The following ADGRE5 variants were observed in gnomAD, a reference collection of about 807,000 sequenced individuals.
The protein encoded by ADGRE5 is adhesion G protein-coupled receptor E5, also known as CD97 molecule.
Under a neutral mutation model 100.3 loss-of-function variants are expected in ADGRE5, and 72 were observed. The observed-to-expected ratio is 0.72, with a 90% CI of 0.59 to 0.87. The LOEUF is 0.87. Among genes scored for constraint, ADGRE5 ranks in the 40% least tolerant of loss-of-function variants. The pLI is 0.00. For missense variants in ADGRE5, 959 were observed against 1,094.7 expected (o/e 0.88, Z 1.75); for synonymous variants, 439 against 447.8 (o/e 0.98, Z 0.25).
chr19:14,385,263 C>T (rs890197352), intron 1 of ADGRE5, among the ~76,000 whole-genome samples: 4 of 152,000 alleles, frequency 2.6e-5, no homozygotes, highest in Non-Finnish European at 2.9e-5. Flanking sequence ...CCATCTGCCT[C>T]GGCCTCCCAA....
intron 4 of ADGRE5, among the ~76,000 whole-genome samples, chr19:14,395,888 A>G (rs1056259031): frequency 6.6e-6 from 1 of 152,156 alleles, no homozygotes; most frequent in Non-Finnish European, 1.5e-5. Context: ...GCTAGTGTGG[A>G]TGGGAGAGCA....
intron 2 of ADGRE5, 29 bp from the exon 3 acceptor site, chr19:14,388,673 C>T (rs1290845139): frequency 6.2e-7 from 1 of 1,611,466 alleles, no homozygotes; most frequent in South Asian, 1.1e-5. Flanking sequence ...TTACCCCTCA[C>T]CTTCTGACCG....
At chr19:14,404,630 T>G in intron 13 of ADGRE5, 68 bp downstream of exon 13, 1 of 1,472,770 alleles carries the variant, frequency 6.8e-7, no homozygotes, top group Non-Finnish European at 9.3e-7. Context: ...GACAGGCAGC[T>G]AGTTCTCCAT....
At chr19:14,402,340 CAGA>C (rs1355745763) in intron 11 of ADGRE5, among the ~76,000 whole-genome samples, 5 of 151,380 alleles carry the variant, frequency 3.3e-5, no homozygotes, top group African/African-American at 1.2e-4. Flanking sequence ...GAGGCTGAGA[CAGA>C]AGAATTGCTT....
chr19:14,408,528 A>G lies in ADGRE5; in HGVS notation c.*407A>G, dbSNP rs1359732960. 1.0e-4 allele frequency: 46 copies of G among 446,424 alleles called. No homozygotes were observed. The highest frequency in any genetic ancestry group is 5.9e-4 in the Middle Eastern group (1 of 1,696). The allele number at this position is 446,424 out of a possible 1,614,324, so 27.7% of individuals were successfully genotyped here. On this transcript the variant is annotated 3_prime_UTR_variant, in exon 20 of 20. Coordinates refer to ENST00000242786, the MANE Select transcript of ADGRE5 (RefSeq NM_078481.4). ...GCGCTGGGGCTCAGCTTCCCTCTTAAGCTAAGACTGATGTCAGAGGCCCCA... is the reference window on the plus strand; with the variant it reads ...GCGCTGGGGCTCAGCTTCCCTCTTAGGCTAAGACTGATGTCAGAGGCCCCA...
intron 5 of ADGRE5, 34 bp downstream of exon 5, chr19:14,396,507 C>G (rs200058302): frequency 1.3e-6 from 2 of 1,560,366 alleles, no homozygotes; most frequent in Non-Finnish European, 1.7e-6. Context: ...TGAGGCTGGA[C>G]GGGAGCTGGG....
chr19:14,382,640 A>C (rs1975198606), intron 1 of ADGRE5, among the ~76,000 whole-genome samples: 1 of 151,948 alleles, frequency 6.6e-6, no homozygotes, highest in Non-Finnish European at 1.5e-5. Context: ...AGGCAGGTGG[A>C]TCTCTTGAGC....
intron 9 of ADGRE5, among the ~76,000 whole-genome samples, chr19:14,399,826 C>T (rs114778334): frequency 0.017 from 2,610 of 150,974 alleles, 79 homozygotes; most frequent in African/African-American, 0.06. Flanking sequence ...TTAACTTTTC[C>T]AGTAGCTAGA....
intron 6 of ADGRE5, chr19:14,397,432 C>T: frequency 1.5e-6 from 1 of 647,926 alleles, no homozygotes; most frequent in South Asian, 1.9e-5. Context: ...GGACCCCAGG[C>T]AACAGCTGAT....
intron 18 of ADGRE5, among the ~76,000 whole-genome samples, chr19:14,407,674 C>T (rs1022036886): frequency 2.0e-5 from 3 of 151,002 alleles, no homozygotes; most frequent in Non-Finnish European, 4.4e-5. Flanking sequence ...GCTGAATACC[C>T]ATCTCAGCTT....
chr19:14,384,118 G>T (rs1298845139), intron 1 of ADGRE5, among the ~76,000 whole-genome samples: 1 of 152,250 alleles, frequency 6.6e-6, no homozygotes, highest in East Asian at 1.9e-4. Flanking sequence ...GGTTCTGGCC[G>T]AGGGAGGAAC....
intron 5 of ADGRE5, among the ~76,000 whole-genome samples, chr19:14,396,747 C>T (rs995258851): frequency 6.6e-6 from 1 of 152,218 alleles, no homozygotes; most frequent in African/African-American, 2.4e-5. Context: ...GTGTCACTTC[C>T]AGTTCTAAGA....
rs1441836741 is a variant in ADGRE5, at chr19:14,406,274, C to A, written c.1822-57C>A. 3 of 1,343,542 alleles carry A rather than the reference C, an allele frequency of 2.2e-6. No homozygotes were observed. The highest frequency in any genetic ancestry group is 3.0e-6 in the Non-Finnish European group (3 of 987,622). 83.2% of individuals were successfully genotyped at this position (1,343,542 alleles called of 1,614,324 possible). ...GGACCTGGCAGGCGACTGGCTCTGG[C>A]GCCGCATGCCCCTCCCCGCGCTGAC... On this transcript the variant is annotated intron_variant, in intron 14 of 19. Transcript: ENST00000242786. The surrounding 1 kb of genome is among the most constrained non-coding windows in gnomAD (Gnocchi z 6.0).
At chr19:14,407,832 T>G in intron 18 of ADGRE5, 76 bp from the exon 19 acceptor site, 2 of 1,245,524 alleles carry the variant, frequency 1.6e-6, no homozygotes, top group Non-Finnish European at 2.3e-6. Flanking sequence ...AAGGTGGGGC[T>G]GAGGGCAGAG....
chr19:14,407,895 T>C lies in ADGRE5; in HGVS notation c.2377-13T>C. 6.2e-7 allele frequency: 1 copy of C among 1,613,014 alleles called. No homozygotes were observed. Among genetic ancestry groups the C allele is most frequent in the Non-Finnish European group, 8.5e-7 (1 of 1,179,312 alleles). ...GGCCTGCTCCTGCCCTGACTTGGTG[T>C]CTGGGCCGGCAGGTTCGGGAAGAAT... On this transcript the variant is annotated splice_polypyrimidine_tract_variant and intron_variant, in intron 18 of 19. Coordinates refer to ENST00000242786, the MANE Select transcript of ADGRE5 (RefSeq NM_078481.4).
intron 11 of ADGRE5, among the ~76,000 whole-genome samples, chr19:14,402,130 TA>T (rs56208328): frequency 4.0e-3 from 492 of 122,014 alleles, no homozygotes; most frequent in Middle Eastern, 6.0e-3. Flanking sequence ...GACCCTGTCT[TA>T]AAAAAAAAAA....
At chr19:14,391,348 C>G (rs1205959962) in intron 4 of ADGRE5, 3 of 509,134 alleles carry the variant, frequency 5.9e-6, no homozygotes, top group Non-Finnish European at 1.1e-5. Flanking sequence ...AAACCGCTGT[C>G]CACATGTGAG....
intron 1 of ADGRE5, among the ~76,000 whole-genome samples, chr19:14,385,343 C>A (rs552173809): frequency 6.6e-6 from 1 of 152,012 alleles, no homozygotes; most frequent in Admixed American, 6.6e-5. Context: ...CTCTTTGTGT[C>A]TCTGTCTCTC....
chr19:14,388,641 TG>T, intron 2 of ADGRE5, 60 bp from the exon 3 acceptor site: 2 of 1,606,572 alleles, frequency 1.2e-6, no homozygotes, highest in Non-Finnish European at 1.7e-6. Context: ...TCTCCCCCAG[TG>T]CCCCCTTTTT....
Sources: allele counts gnomAD v4.1 joint callset (sites outside exome capture counted in the v4.1 genomes callset), GRCh38; gene constraint gnomAD v4.1.1; non-coding constraint Gnocchi (gnomAD v3.1); transcripts MANE v1.5; gene names NCBI Gene and HGNC (gene_info 2026-07-23, HGNC 2026-07-21).